The following POLA2 variants were observed in gnomAD, a reference collection of about 807,000 sequenced individuals.
The protein encoded by POLA2 is DNA polymerase alpha subunit B.
In POLA2, 47 loss-of-function variants were observed where a neutral mutation model predicts 82.8. The ratio of observed to expected loss-of-function variants is 0.57; its 90% CI spans 0.45 to 0.72. POLA2 has a LOEUF of 0.72. POLA2 is among the 30% of genes least tolerant of loss of function. The pLI is 0.00. For synonymous variants in POLA2, 287 were observed against 286.8 expected, an observed-to-expected ratio of 1.00 and a Z score of -0.01; for missense variants, 634 against 728.1, an observed-to-expected ratio of 0.87 and a Z score of 1.49.
chr11:65,263,443 C>G (rs1242773090), intron 1 of POLA2, among the ~76,000 whole-genome samples: 2 of 152,054 alleles, frequency 1.3e-5, no homozygotes. Flanking sequence ...AGACTGCTCT[C>G]GAACTCCTGA....
chr11:65,295,178 G>A (rs774685614), intron 15 of POLA2, among the ~76,000 whole-genome samples: 3 of 152,226 alleles, frequency 2.0e-5, no homozygotes, highest in South Asian at 2.1e-4. Context: ...GAAGCGAGAC[G>A]GGTGCGGCTC....
chr11:65,266,806 A>C, intron 2 of POLA2, 100 bp downstream of exon 2: 1 of 1,271,008 alleles, frequency 7.9e-7, no homozygotes, highest in Non-Finnish European at 1.1e-6. Flanking sequence ...CTTTCGAGTC[A>C]GGCCTGGATT....
intron 16 of POLA2, 55 bp from the exon 17 acceptor site, chr11:65,295,809 T>C (rs149422507): frequency 6.3e-7 from 1 of 1,587,508 alleles, no homozygotes; most frequent in South Asian, 1.1e-5. Flanking sequence ...GGACTCTGTC[T>C]GAGAAGGGGG....
chr11:65,301,303 G>A (rs939240288), downstream of POLA2, among the ~76,000 whole-genome samples: 2 of 152,160 alleles, frequency 1.3e-5, no homozygotes, highest in African/African-American at 4.8e-5. Flanking sequence ...CTGCCCCAGA[G>A]AATCTTGGAA....
At chr11:65,302,231 C>T (rs1949862809), downstream of POLA2, among the ~76,000 whole-genome samples, 1 of 152,238 alleles carries the variant, frequency 6.6e-6, no homozygotes, top group Non-Finnish European at 1.5e-5. Flanking sequence ...TTCCCAGGGG[C>T]TGAAGCATTT....
In POLA2 at chr11:65,281,664, T is replaced by C. The variant is rs1949642673; in HGVS notation, c.901-6T>C. On this transcript the variant is annotated splice_region_variant and splice_polypyrimidine_tract_variant and intron_variant, in intron 8 of 17. Transcript: ENST00000265465. Reference sequence around the variant, plus strand: ...CTTAGCAATCCTGTTTGTTTTTGTCTTTCAGGTTGTAATTATGGAAGGAAT... The same window carrying C: ...CTTAGCAATCCTGTTTGTTTTTGTCCTTCAGGTTGTAATTATGGAAGGAAT... 6.2e-7 allele frequency: 1 copy of C among 1,611,120 alleles called. No individual in the cohort carries two copies. The highest frequency in any genetic ancestry group is 1.7e-5 in the Admixed American group (1 of 59,986).
downstream of POLA2, among the ~76,000 whole-genome samples, chr11:65,299,226 G>C (rs1949844341): frequency 3.3e-5 from 5 of 152,206 alleles, no homozygotes; most frequent in African/African-American, 1.2e-4. Context: ...CCCTTTGGTG[G>C]CCTCTCCCTG....
rs554007297 is a variant in POLA2 at position 65,283,128 on chromosome 11, C to A, written c.1006+607C>A. Among the ~76,000 whole-genome samples the A allele has an allele frequency of 1.4e-4, 21 of 152,190 alleles. No homozygotes were observed. In the South Asian group the frequency reaches 4.1e-3, roughly 30 times the overall value. On this transcript the variant is annotated intron_variant, in intron 10 of 17. Transcript: ENST00000265465. ...CCTGTGTGACAGAGCGAGACTCTGACTCTTAAAAAAAATTAAAATTAATTA... is the reference window on the plus strand; with the variant it reads ...CCTGTGTGACAGAGCGAGACTCTGAATCTTAAAAAAAATTAAAATTAATTA...
At chr11:65,289,005 T>C in intron 11 of POLA2, 45 bp from the exon 12 acceptor site, 7 of 1,580,898 alleles carry the variant, frequency 4.4e-6, no homozygotes, top group Non-Finnish European at 6.1e-6. Flanking sequence ...CAGACACAAG[T>C]GATTCTGATT....
rs549917851 is a variant in POLA2, at chr11:65,278,043, G to A, written c.462-687G>A. 2.6e-5 allele frequency among the ~76,000 whole-genome samples: 4 copies of A among 152,248 alleles called. No homozygotes were observed. The East Asian group carries it at 5.8e-4, about 22-fold the overall frequency. On this transcript the variant is annotated intron_variant, in intron 5 of 17. Transcript: ENST00000265465. The stretch of plus-strand genomic sequence containing the variant: ...TTTTAAATAGACCTCTCTGTACGGC[G>A]TGTTTACAACCAGAGGATTAGAAGA...
intron 17 of POLA2, 157 bp downstream of exon 17, chr11:65,296,147 AC>A: frequency 1.4e-6 from 1 of 739,562 alleles, no homozygotes; most frequent in East Asian, 2.5e-5. Flanking sequence ...AGGTGGTGGG[AC>A]CAGAAAACAA....
chr11:65,299,383 G>A (rs868274798), downstream of POLA2, among the ~76,000 whole-genome samples: 6 of 152,206 alleles, frequency 3.9e-5, no homozygotes, highest in Admixed American at 2.0e-4. Context: ...TACCCGCCTC[G>A]TGGCTTCCCT....
At chr11:65,268,421 A>G (rs1949486286) in intron 3 of POLA2, among the ~76,000 whole-genome samples, 1 of 150,064 alleles carries the variant, frequency 6.7e-6, no homozygotes, top group South Asian at 2.1e-4. Flanking sequence ...GTGTGATCTC[A>G]GCTCACTGCA....
At chr11:65,286,004 A>G (rs892001448) in intron 10 of POLA2, among the ~76,000 whole-genome samples, 1 of 152,144 alleles carries the variant, frequency 6.6e-6, no homozygotes, top group Non-Finnish European at 1.5e-5. Flanking sequence ...TGAATATTTT[A>G]CCATTTGTGG....
In POLA2 at chr11:65,294,267, A is replaced by G; in HGVS notation, c.1353+6A>G. 1 of 1,607,436 alleles carries G rather than the reference A, an allele frequency of 6.2e-7. No individual in the cohort carries two copies. The highest frequency in any genetic ancestry group is 8.5e-7 in the Non-Finnish European group (1 of 1,173,908). On this transcript the variant is annotated splice_donor_region_variant and intron_variant, in intron 14 of 17. Transcript: ENST00000265465. ...TGTCTCGAGAGGACAAAAAGGTAGC[A>G]GCACCCACTCCTTGACCAGCAGGCA...
chr11:65,268,211 G>A (rs571709484), intron 3 of POLA2, among the ~76,000 whole-genome samples: 15 of 152,194 alleles, frequency 9.9e-5, no homozygotes, highest in Admixed American at 6.5e-4. Context: ...GGAAGTTGCA[G>A]TAATCTGAGA....
intron 5 of POLA2, among the ~76,000 whole-genome samples, chr11:65,278,490 T>A (rs1249628936): frequency 6.6e-6 from 1 of 152,232 alleles, no homozygotes; most frequent in African/African-American, 2.4e-5. Flanking sequence ...TAAAATACGT[T>A]TCTGTCTCTA....
At chr11:65,269,325 A>C (rs1206996591) in intron 4 of POLA2, among the ~76,000 whole-genome samples, 1 of 152,070 alleles carries the variant, frequency 6.6e-6, no homozygotes, top group Admixed American at 6.6e-5. Context: ...TACCATAAAT[A>C]CAAAAAAAGA....
At chr11:65,304,594 C>T (rs1949876890) in intron 8 of POLA2, among the ~76,000 whole-genome samples, 1 of 152,180 alleles carries the variant, frequency 6.6e-6, no homozygotes, top group Admixed American at 6.5e-5. Context: ...CCCACGGTAT[C>T]ACAAGGTGAC....
Sources: allele counts gnomAD v4.1 joint callset (sites outside exome capture counted in the v4.1 genomes callset), GRCh38; gene constraint gnomAD v4.1.1; transcripts MANE v1.5; gene names NCBI Gene and HGNC (gene_info 2026-07-23, HGNC 2026-07-21).